Variants in FER1L6 observed in about 807,000 individuals in gnomAD.
FER1L6 encodes fer-1-like protein 6.
Under a neutral mutation model 219.2 loss-of-function variants are expected in FER1L6, and 177 were observed. The observed-to-expected ratio is 0.81, with a 90% CI of 0.71 to 0.91. The LOEUF (loss-of-function observed/expected upper bound fraction) is 0.91, where lower values mean the gene tolerates loss of function less well. FER1L6 is among the 40% of genes least tolerant of loss of function. FER1L6 has a pLI of 0.00. For missense variants in FER1L6, 2,153 were observed against 2,259.9 expected (o/e 0.95, Z 0.96); for synonymous variants, 768 against 824.3 (o/e 0.93, Z 1.17).
chr8:124,054,744 C>A (rs73703908), intron 22 of FER1L6, among the ~76,000 whole-genome samples: 2,980 of 152,198 alleles, frequency 0.02, 105 homozygotes, highest in African/African-American at 0.068. Context: ...GTCAATGTGG[C>A]TGGAATGGAC....
chr8:124,092,017 G>A (rs1191670165), intron 34 of FER1L6, among the ~76,000 whole-genome samples: 2 of 150,490 alleles, frequency 1.3e-5, no homozygotes, highest in Admixed American at 1.3e-4. Flanking sequence ...AGAAAATGTG[G>A]AAAAGTAAGG....
chr8:123,963,131 A>G, intron 2 of FER1L6, 147 bp from the exon 3 acceptor site: 1 of 1,023,164 alleles, frequency 9.8e-7, no homozygotes, highest in Non-Finnish European at 1.4e-6. Context: ...TCTGCCAATA[A>G]GATGTTAAGT....
At chr8:124,095,232 A>G (rs1237362041) in intron 35 of FER1L6, among the ~76,000 whole-genome samples, 194 bp downstream of exon 35, 1 of 152,212 alleles carries the variant, frequency 6.6e-6, no homozygotes, top group Non-Finnish European at 1.5e-5. Context: ...TAAATTAAAC[A>G]TCCTAGAAAA....
intron 1 of FER1L6, among the ~76,000 whole-genome samples, chr8:123,855,281 A>G (rs1268878384): frequency 2.6e-5 from 4 of 152,140 alleles, no homozygotes; most frequent in Non-Finnish European, 5.9e-5. Flanking sequence ...TGGAATGGAT[A>G]GTAGGTGGCC....
intron 1 of FER1L6, among the ~76,000 whole-genome samples, chr8:123,927,586 G>A (rs1016784470): frequency 4.6e-5 from 7 of 152,226 alleles, no homozygotes; most frequent in South Asian, 4.1e-4. Flanking sequence ...AAACCTTTAC[G>A]TTGGTTTTTT....
intron 13 of FER1L6, among the ~76,000 whole-genome samples, chr8:124,008,137 C>CT (rs1015508385): frequency 3.6e-4 from 55 of 152,224 alleles, no homozygotes; most frequent in African/African-American, 1.1e-3. Flanking sequence ...CTGTATCCTT[C>CT]TTATGCCTTT....
intron 12 of FER1L6, among the ~76,000 whole-genome samples, chr8:123,999,024 G>A (rs1017134276): frequency 6.6e-6 from 1 of 152,186 alleles, no homozygotes; most frequent in Non-Finnish European, 1.5e-5. Context: ...GAAATCAGGG[G>A]CCCTGAGAAC....
At chr8:124,005,173 C>T (rs963663026) in intron 13 of FER1L6, among the ~76,000 whole-genome samples, 4 of 152,182 alleles carry the variant, frequency 2.6e-5, no homozygotes, top group Admixed American at 2.0e-4. Context: ...ACAACAACAG[C>T]AACAACACCT....
At chr8:123,982,427 G>A (rs570240533) in intron 11 of FER1L6, among the ~76,000 whole-genome samples, 5 of 152,292 alleles carry the variant, frequency 3.3e-5, no homozygotes, top group African/African-American at 1.2e-4. Flanking sequence ...GGGGTAGAAA[G>A]TACATTTGTC....
intron 20 of FER1L6, chr8:124,040,323 A>G (rs1230652340): frequency 8.1e-6 from 3 of 368,928 alleles, no homozygotes; most frequent in Non-Finnish European, 1.0e-5. Context: ...GGAGCAAATG[A>G]GGAAACAGCA....
At chr8:124,011,087 A>G (rs1817898556) in intron 14 of FER1L6, among the ~76,000 whole-genome samples, 1 of 152,102 alleles carries the variant, frequency 6.6e-6, no homozygotes, top group African/African-American at 2.4e-5. Flanking sequence ...ACAACTGCCT[A>G]CAAGATCAGG....
At chr8:123,881,780 A>C (rs1275771669) in intron 1 of FER1L6, among the ~76,000 whole-genome samples, 1 of 152,176 alleles carries the variant, frequency 6.6e-6, no homozygotes, top group African/African-American at 2.4e-5. Flanking sequence ...GTCCCGACAG[A>C]CCAGCAATAA....
intron 33 of FER1L6, among the ~76,000 whole-genome samples, chr8:124,087,154 T>C (rs1821818587): frequency 6.6e-6 from 1 of 152,128 alleles, no homozygotes; most frequent in Non-Finnish European, 1.5e-5. Context: ...TCTCTTTGAA[T>C]AAACTTTCTA....
At chr8:123,856,260 ATATATGTG>A (rs1223883835) in intron 1 of FER1L6, among the ~76,000 whole-genome samples, 1 of 129,368 alleles carries the variant, frequency 7.7e-6, no homozygotes, top group Non-Finnish European at 1.7e-5. Context: ...AGATATATGT[ATATATGTG>A]TATATGTGTA....
intron 1 of FER1L6, among the ~76,000 whole-genome samples, chr8:123,886,432 T>G (rs1326624838): frequency 1.3e-5 from 2 of 152,184 alleles, no homozygotes; most frequent in Admixed American, 6.5e-5. Flanking sequence ...TGCTTCATCT[T>G]TGGCTCCTCA....
At chr8:123,975,517 G>A (rs1305891015) in intron 8 of FER1L6, among the ~76,000 whole-genome samples, 1 of 152,132 alleles carries the variant, frequency 6.6e-6, no homozygotes, top group Non-Finnish European at 1.5e-5. Context: ...AGAACTGTCT[G>A]TCTTCCTATA....
At chr8:124,062,062 G>C in intron 25 of FER1L6, 30 bp downstream of exon 25, 2 of 1,611,714 alleles carry the variant, frequency 1.2e-6, no homozygotes, top group Non-Finnish European at 1.7e-6. Flanking sequence ...TTTTGTAGCT[G>C]TAACTATAAA....
At chr8:124,025,752 T>G (rs1237844412) in intron 18 of FER1L6, among the ~76,000 whole-genome samples, 2 of 152,130 alleles carry the variant, frequency 1.3e-5, no homozygotes, top group African/African-American at 4.8e-5. Flanking sequence ...TTGAATCTGT[T>G]GATTGTTTGG....
chr8:123,946,254 T>A (rs1433191963), intron 1 of FER1L6, among the ~76,000 whole-genome samples: 1 of 152,180 alleles, frequency 6.6e-6, no homozygotes, highest in Non-Finnish European at 1.5e-5. Flanking sequence ...GTTTTTTGTT[T>A]GTTTTGTTTG....
Sources: allele counts gnomAD v4.1 joint callset (sites outside exome capture counted in the v4.1 genomes callset), GRCh38; gene constraint gnomAD v4.1.1; transcripts MANE v1.5; gene names NCBI Gene and HGNC (gene_info 2026-07-23, HGNC 2026-07-21).